GRM5: variants seen among roughly 807,000 people sequenced by gnomAD.
GRM5 encodes the protein glutamate metabotropic receptor 5, also known as metabotropic glutamate receptor 5.
In GRM5, 19 loss-of-function variants were observed where a neutral mutation model predicts 83.1. The ratio of observed to expected loss-of-function variants is 0.23; its 90% CI spans 0.16 to 0.34. The LOEUF (loss-of-function observed/expected upper bound fraction) is 0.34. GRM5 is among the 10% of genes least tolerant of loss of function. GRM5 has a pLI of 1.00. For synonymous variants in GRM5, 675 were observed against 633.6 expected (o/e 1.07, Z -0.98); for missense variants, 1,160 against 1,588.3 (o/e 0.73, Z 4.58).
intron 2 of GRM5, among the ~76,000 whole-genome samples, chr11:89,025,254 G>T (rs1941101818): frequency 1.3e-5 from 2 of 152,206 alleles, no homozygotes; most frequent in Non-Finnish European, 2.9e-5. Flanking sequence ...CACTAGACTG[G>T]ATCTGCCCTG....
intron 1 of GRM5, among the ~76,000 whole-genome samples, chr11:89,050,688 C>CA (rs1182364593): frequency 6.6e-6 from 1 of 152,058 alleles, no homozygotes; most frequent in African/African-American, 2.4e-5. Context: ...CTCACAATAG[C>CA]AAAAACATAA....
intron 3 of GRM5, among the ~76,000 whole-genome samples, chr11:88,690,242 G>A (rs192122022): frequency 1.5e-3 from 227 of 152,062 alleles, no homozygotes; most frequent in Non-Finnish European, 2.6e-3. Context: ...TACAGTAATG[G>A]TTTTACAATA....
intron 2 of GRM5, among the ~76,000 whole-genome samples, chr11:88,907,325 G>A (rs1249617486): frequency 6.6e-6 from 1 of 151,944 alleles, no homozygotes; most frequent in African/African-American, 2.4e-5. Context: ...TCCCACAGAG[G>A]GACCACAGGA....
intron 3 of GRM5, among the ~76,000 whole-genome samples, chr11:88,770,808 A>G (rs1350536037): frequency 6.6e-6 from 1 of 152,086 alleles, no homozygotes; most frequent in Admixed American, 6.6e-5. Flanking sequence ...TATTACTAGA[A>G]TTTGTCAGAA....
At chr11:88,899,332 T>C (rs1450084781) in intron 2 of GRM5, among the ~76,000 whole-genome samples, 1 of 151,962 alleles carries the variant, frequency 6.6e-6, no homozygotes, top group Non-Finnish European at 1.5e-5. Context: ...TTTTATCTCA[T>C]ATACCCTGAG....
chr11:88,705,215 C>T (rs773697184), intron 3 of GRM5, among the ~76,000 whole-genome samples: 5 of 152,036 alleles, frequency 3.3e-5, no homozygotes, highest in Non-Finnish European at 5.9e-5. Context: ...CCTGGAAGCA[C>T]ATTAGAATCA....
rs139401687 is a variant in GRM5 at position 88,605,059 on chromosome 11, T to G, written c.1148-95A>C. The stretch of plus-strand genomic sequence containing the variant: ...TAATGGGTTACCTGTAATTAGAGAA[T>G]GCACTGGAGCAATTTTATCAGAGTT... On this transcript the variant is annotated intron_variant, in intron 4 of 9. Transcript: ENST00000305447. 1,607 of 943,818 alleles carry G rather than the reference T, an allele frequency of 1.7e-3. 5 individuals carry two copies. The highest frequency in any genetic ancestry group is 8.2e-3 in the Middle Eastern group (28 of 3,412). The allele number at this position is 943,818 out of a possible 1,614,324, so 58.5% of individuals were successfully genotyped here.
intron 3 of GRM5, among the ~76,000 whole-genome samples, chr11:88,730,713 T>C (rs1228373435): frequency 1.3e-5 from 2 of 152,146 alleles, no homozygotes; most frequent in Non-Finnish European, 2.9e-5. Context: ...TTCATGTCCT[T>C]TGCAGAGACA....
At chr11:88,765,942 A>G (rs557885263) in intron 3 of GRM5, among the ~76,000 whole-genome samples, 3 of 151,964 alleles carry the variant, frequency 2.0e-5, no homozygotes, top group Non-Finnish European at 2.9e-5. Flanking sequence ...CAACTTATAT[A>G]TATAAGGGAC....
At chr11:89,064,926 G>GAT (rs1942069009) in intron 1 of GRM5, among the ~76,000 whole-genome samples, 1 of 72,854 alleles carries the variant, frequency 1.4e-5, no homozygotes, top group Non-Finnish European at 3.1e-5. Flanking sequence ...GAGAGAGAGA[G>GAT]AGAGAGAGAG....
At chr11:88,872,474 G>C (rs948010338) in intron 2 of GRM5, among the ~76,000 whole-genome samples, 2 of 151,394 alleles carry the variant, frequency 1.3e-5, no homozygotes, top group African/African-American at 4.8e-5. Flanking sequence ...ATTATTAAGA[G>C]ATAGGCAATA....
intron 3 of GRM5, among the ~76,000 whole-genome samples, chr11:88,680,034 T>C (rs1227947857): frequency 6.6e-6 from 1 of 152,178 alleles, no homozygotes; most frequent in African/African-American, 2.4e-5. Flanking sequence ...GTTGTGCTGG[T>C]AATCTATGGG....
chr11:88,959,374 T>A (rs993474705), intron 2 of GRM5, among the ~76,000 whole-genome samples: 2 of 151,946 alleles, frequency 1.3e-5, no homozygotes, highest in Admixed American at 1.3e-4. Flanking sequence ...TTATGCAAAT[T>A]TTAACTAATA....
In GRM5 at chr11:88,896,699, G is replaced by T. The variant is rs936392199; in HGVS notation, c.662-46544C>A. On this transcript the variant is annotated intron_variant, in intron 2 of 9. Coordinates refer to ENST00000305447, the MANE Select transcript of GRM5 (RefSeq NM_001143831.3). Reference sequence around the variant, plus strand: ...AATGGTGTCCCAAATCAAACAGAGAGAGTGAATCCTCCCTTCCTATCTTTT... The same window carrying T: ...AATGGTGTCCCAAATCAAACAGAGATAGTGAATCCTCCCTTCCTATCTTTT... Among the ~76,000 whole-genome samples, 8 of 151,922 alleles carry T rather than the reference G, an allele frequency of 5.3e-5. No individual in the cohort carries two copies. In the East Asian group the frequency reaches 1.4e-3, roughly 26 times the overall value.
chr11:88,551,357 C>T (rs753963079), intron 8 of GRM5, among the ~76,000 whole-genome samples: 2 of 152,196 alleles, frequency 1.3e-5, no homozygotes, highest in Non-Finnish European at 2.9e-5. Context: ...CAAAAACAGT[C>T]TGACTTCATT....
At chr11:88,773,886 G>T (rs994215416) in intron 3 of GRM5, among the ~76,000 whole-genome samples, 1 of 152,190 alleles carries the variant, frequency 6.6e-6, no homozygotes, top group Admixed American at 6.5e-5. Context: ...CAGGTAGCAT[G>T]ATGCCTCTAG....
intron 4 of GRM5, among the ~76,000 whole-genome samples, chr11:88,623,122 G>A (rs962287359): frequency 4.6e-5 from 7 of 152,010 alleles, no homozygotes; most frequent in Non-Finnish European, 1.0e-4. Context: ...TTTCACTCTT[G>A]TCGCCCAGTA....
intron 4 of GRM5, among the ~76,000 whole-genome samples, chr11:88,643,229 A>T (rs1419432254): frequency 1.3e-5 from 2 of 151,372 alleles, no homozygotes; most frequent in Non-Finnish European, 2.9e-5. Context: ...ATATGGCCAG[A>T]GCAGGAGCAA....
chr11:89,039,546 A>T (rs538308768), intron 2 of GRM5, among the ~76,000 whole-genome samples: 4 of 152,258 alleles, frequency 2.6e-5, no homozygotes, highest in African/African-American at 9.6e-5. Flanking sequence ...ACAAAAAAAA[A>T]ATTTTTTAAA....
Sources: allele counts gnomAD v4.1 joint callset (sites outside exome capture counted in the v4.1 genomes callset), GRCh38; gene constraint gnomAD v4.1.1; transcripts MANE v1.5; gene names NCBI Gene and HGNC (gene_info 2026-07-23, HGNC 2026-07-21).